Variants in NFIA observed in about 807,000 individuals in gnomAD.
NFIA encodes nuclear factor 1 A-type.
Under a neutral mutation model 62.8 loss-of-function variants are expected in NFIA, and 8 were observed. The observed-to-expected ratio is 0.13, with a 90% CI of 0.07 to 0.23. The LOEUF (loss-of-function observed/expected upper bound fraction) is 0.23. Among genes scored for constraint, NFIA ranks in the 10% least tolerant of loss-of-function variants. NFIA has a pLI of 1.00. For missense variants in NFIA, 410 were observed against 642.1 expected, an observed-to-expected ratio of 0.64 and a Z score of 3.91; for synonymous variants, 235 against 238.1, an observed-to-expected ratio of 0.99 and a Z score of 0.12.
At position 61,160,876 on chromosome 1, in the gene NFIA, G is replaced by A. The variant is rs576239970; in HGVS notation, c.559+72196G>A. On this transcript the variant is annotated intron_variant, in intron 2 of 10. Coordinates refer to ENST00000403491, the MANE Select transcript of NFIA (RefSeq NM_001134673.4). ...AAGTTGATCACAATCTAGATTATTT[G>A]CATTGTTGTGAGATGAGGGAAACTG... 3.3e-5 allele frequency among the ~76,000 whole-genome samples: 5 copies of A among 152,268 alleles called. No individual in the cohort carries two copies. In the South Asian group the frequency reaches 1.0e-3, roughly 32 times the overall value.
intron 2 of NFIA, among the ~76,000 whole-genome samples, chr1:61,203,910 T>C (rs1652709660): frequency 6.6e-6 from 1 of 152,210 alleles, no homozygotes. Flanking sequence ...GTTGCCAGGC[T>C]CCATTTGGAT....
intron 2 of NFIA, among the ~76,000 whole-genome samples, chr1:61,186,182 T>G (rs993641553): frequency 2.6e-5 from 4 of 151,952 alleles, no homozygotes; most frequent in Non-Finnish European, 4.4e-5. Flanking sequence ...AGCACACTGG[T>G]TGGGAGAAGA....
chr1:61,404,697 A>G (rs1233641887), intron 8 of NFIA, among the ~76,000 whole-genome samples: 1 of 152,206 alleles, frequency 6.6e-6, no homozygotes, highest in African/African-American at 2.4e-5. Flanking sequence ...CAGATCAACT[A>G]AGTTGATATT....
chr1:61,431,349 A>G (rs1667089875), intron 10 of NFIA, among the ~76,000 whole-genome samples: 1 of 152,258 alleles, frequency 6.6e-6, no homozygotes, highest in South Asian at 2.1e-4. Context: ...AAAGGTTTAA[A>G]TAAAATGCTT....
chr1:61,440,426 A>G (rs988668482), intron 10 of NFIA, among the ~76,000 whole-genome samples: 8 of 152,226 alleles, frequency 5.3e-5, no homozygotes, highest in African/African-American at 1.9e-4. Flanking sequence ...ACAGTTGAGA[A>G]CAAGTTGAGA....
At chr1:61,118,659 AGTGTGTGTGTGTGT>A (rs5774536) in intron 2 of NFIA, among the ~76,000 whole-genome samples, 6,614 of 145,224 alleles carry the variant, frequency 0.046, 205 homozygotes, top group South Asian at 0.095. Flanking sequence ...GGTCGGGATG[AGTGTGTGTGTGTGT>A]GTGTGTGTGT....
intron 2 of NFIA, among the ~76,000 whole-genome samples, chr1:61,199,598 G>A (rs1652278222): frequency 6.6e-6 from 1 of 152,144 alleles, no homozygotes; most frequent in African/African-American, 2.4e-5. Context: ...GAAGAAAATG[G>A]AAGTTTTTTC....
rs114753622 is a variant in NFIA, at chr1:61,280,531, C to T, written c.625+2946C>T. 3.1e-3 allele frequency among the ~76,000 whole-genome samples: 469 copies of T among 152,190 alleles called. 1 individual carries two copies. Among genetic ancestry groups the T allele is most frequent in the Admixed American group, 8.4e-3 (129 of 15,280 alleles). Reference sequence around the variant, plus strand: ...AGCTCTTGAGAAAGGTAATGGGAAACGAATGGTATTTCCCTAGTAAACCAT... The same window carrying T: ...AGCTCTTGAGAAAGGTAATGGGAAATGAATGGTATTTCCCTAGTAAACCAT... On this transcript the variant is annotated intron_variant, in intron 3 of 10. Transcript: ENST00000403491.
rs60739452 is a variant in NFIA at position 61,427,356 on chromosome 1, G to A, written c.1512+800G>A. Among the ~76,000 whole-genome samples the A allele has an allele frequency of 2.6e-3, 395 of 152,262 alleles. 1 individual carries two copies. Among genetic ancestry groups the A allele is most frequent in the African/African-American group, 9.1e-3 (380 of 41,534 alleles). Reference sequence around the variant, plus strand: ...GTTTGTGAAATAGAATTAGATTCACGTTTTGAAATAAACTCTCTGATTTCC... The same window carrying A: ...GTTTGTGAAATAGAATTAGATTCACATTTTGAAATAAACTCTCTGATTTCC... On this transcript the variant is annotated intron_variant, in intron 10 of 10. Transcript: ENST00000403491.
At chr1:61,425,676 C>T (rs1374318506) in intron 9 of NFIA, among the ~76,000 whole-genome samples, 1 of 152,054 alleles carries the variant, frequency 6.6e-6, no homozygotes. Context: ...GAATTTTTTC[C>T]CATTAAAGTA....
intron 3 of NFIA, among the ~76,000 whole-genome samples, chr1:61,281,272 T>C (rs1439011789): frequency 6.6e-6 from 1 of 151,510 alleles, no homozygotes; most frequent in Non-Finnish European, 1.5e-5. Flanking sequence ...AATAAAATAC[T>C]AAAAGGACGT....
At chr1:61,435,899 C>A (rs926130031) in intron 10 of NFIA, among the ~76,000 whole-genome samples, 5 of 152,150 alleles carry the variant, frequency 3.3e-5, no homozygotes, top group Admixed American at 6.5e-5. Context: ...ACCCTCTTGT[C>A]TCTGAATGCT....
chr1:61,445,877 T>TA (rs1243202171), intron 10 of NFIA, among the ~76,000 whole-genome samples: 2 of 152,166 alleles, frequency 1.3e-5, no homozygotes. Context: ...GCAGAAAAGT[T>TA]AAAGTTGGAC....
rs151326639 is a variant in NFIA at position 61,186,917 on chromosome 1, G to A, written c.560-90603G>A. ...TATTAAATGTCAGTGCTGGGATCTC[G>A]TACATTTTCACTCTTAGGACATCTG... On this transcript the variant is annotated intron_variant, in intron 2 of 10. Coordinates refer to ENST00000403491, the MANE Select transcript of NFIA (RefSeq NM_001134673.4). Among the ~76,000 whole-genome samples the A allele has an allele frequency of 1.3e-3, 198 of 152,224 alleles. 4 individuals are homozygous for A. The highest frequency in any genetic ancestry group is 4.4e-3 in the African/African-American group (184 of 41,528).
chr1:61,182,056 T>C (rs912727597), intron 2 of NFIA, among the ~76,000 whole-genome samples: 4 of 152,250 alleles, frequency 2.6e-5, no homozygotes, highest in Admixed American at 6.5e-5. Flanking sequence ...TACTTGAAGC[T>C]GAAATTTAAA....
chr1:61,180,694 G>A (rs147783302), intron 2 of NFIA, among the ~76,000 whole-genome samples: 13 of 152,268 alleles, frequency 8.5e-5, no homozygotes, highest in African/African-American at 2.9e-4. Flanking sequence ...TAGATGGTCT[G>A]ATGGGGTCAT....
At chr1:61,193,921 T>A (rs1193961229) in intron 2 of NFIA, among the ~76,000 whole-genome samples, 6 of 152,206 alleles carry the variant, frequency 3.9e-5, no homozygotes, top group Non-Finnish European at 8.8e-5. Flanking sequence ...TATTGAGGGC[T>A]TTGTCTACAT....
intron 2 of NFIA, among the ~76,000 whole-genome samples, chr1:61,155,678 T>TTAAAA: frequency 2.7e-4 from 1 of 3,696 alleles, no homozygotes; most frequent in South Asian, 4.8e-3. Flanking sequence ...AGACTCCATC[T>TTAAAA]CAAAAAAAAA....
intron 6 of NFIA, among the ~76,000 whole-genome samples, chr1:61,381,205 A>C (rs1331383230): frequency 6.6e-6 from 1 of 152,176 alleles, no homozygotes; most frequent in African/African-American, 2.4e-5. Flanking sequence ...ACTAAATTTA[A>C]ATCAGTGGAA....
Sources: allele counts gnomAD v4.1 joint callset (sites outside exome capture counted in the v4.1 genomes callset), GRCh38; gene constraint gnomAD v4.1.1; transcripts MANE v1.5; gene names NCBI Gene and HGNC (gene_info 2026-07-23, HGNC 2026-07-21).